Variants in DGLUCY observed in about 807,000 individuals in gnomAD.
DGLUCY encodes the protein D-glutamate cyclase.
Under a neutral mutation model 58.5 loss-of-function variants are expected in DGLUCY, and 58 were observed. That is an observed-to-expected ratio of 0.99 (90% CI 0.80 to 1.23). DGLUCY has a LOEUF of 1.23. DGLUCY is among the 50% of genes most tolerant of loss of function. The pLI is 0.00. For synonymous variants in DGLUCY, 325 were observed against 314.1 expected (o/e 1.03, Z -0.37); for missense variants, 779 against 784.7 (o/e 0.99, Z 0.09).
chr14:91,105,504 C>T (rs143458430), upstream of DGLUCY, among the ~76,000 whole-genome samples: 867 of 152,148 alleles, frequency 5.7e-3, 20 homozygotes, highest in Admixed American at 0.02. Context: ...TTTTTCCTGA[C>T]GTGCAAAGCA....
At chr14:91,217,644 C>G (rs1265184634) in intron 13 of DGLUCY, among the ~76,000 whole-genome samples, 1 of 150,840 alleles carries the variant, frequency 6.6e-6, no homozygotes, top group Non-Finnish European at 1.5e-5. Flanking sequence ...GCCACCATGC[C>G]CAGCTAATTT....
intron 5 of DGLUCY, among the ~76,000 whole-genome samples, chr14:91,172,645 T>C (rs2048630872): frequency 6.6e-6 from 1 of 152,080 alleles, no homozygotes; most frequent in Non-Finnish European, 1.5e-5. Flanking sequence ...TCTCACATTT[T>C]TCCTTTTTTT....
At chr14:91,196,825 A>G (rs181796907) in intron 10 of DGLUCY, among the ~76,000 whole-genome samples, 11 of 151,560 alleles carry the variant, frequency 7.3e-5, no homozygotes, top group African/African-American at 2.2e-4. Context: ...AAATCATTTC[A>G]GTTAGGGTAT....
intron 2 of DGLUCY, 124 bp from the exon 3 acceptor site, chr14:91,160,142 A>G: frequency 1.4e-6 from 1 of 689,936 alleles, no homozygotes; most frequent in South Asian, 1.6e-5. Context: ...ACCACAAGGC[A>G]GGCCCAGGAA....
chr14:91,162,981 G>T (rs1245141124), intron 3 of DGLUCY, among the ~76,000 whole-genome samples: 2 of 152,030 alleles, frequency 1.3e-5, no homozygotes, highest in African/African-American at 4.8e-5. Flanking sequence ...ATTTGTGCTG[G>T]GCATGACGGC....
rs538119305 is a variant in DGLUCY, at chr14:91,190,334, C to G, written c.1195+1164C>G. On this transcript the variant is annotated intron_variant, in intron 9 of 13. Coordinates refer to ENST00000256324, the MANE Select transcript of DGLUCY (RefSeq NM_001102368.3). ...CCCGTGAGCAAAACTGACAACAGTCCTGCCCCCACGGAGAGTATCTTCCAG... is the reference window on the plus strand; with the variant it reads ...CCCGTGAGCAAAACTGACAACAGTCGTGCCCCCACGGAGAGTATCTTCCAG... Among the ~76,000 whole-genome samples the G allele has an allele frequency of 2.6e-5, 4 of 152,278 alleles. No individual in the cohort carries two copies. In the South Asian group the frequency reaches 8.3e-4, roughly 32 times the overall value.
upstream of DGLUCY, among the ~76,000 whole-genome samples, chr14:91,113,087 G>C (rs1280691225): frequency 6.6e-6 from 1 of 151,546 alleles, no homozygotes; most frequent in Non-Finnish European, 1.5e-5. Flanking sequence ...GGATCACAAG[G>C]GCAGGCGCTC....
intron 8 of DGLUCY, among the ~76,000 whole-genome samples, chr14:91,186,863 A>G (rs944412022): frequency 3.4e-5 from 5 of 148,918 alleles, no homozygotes; most frequent in African/African-American, 1.3e-4. Flanking sequence ...CATGTGGGAA[A>G]ACTGAGGCTC....
intron 1 of DGLUCY, among the ~76,000 whole-genome samples, chr14:91,151,611 C>A (rs1192364111): frequency 1.3e-5 from 2 of 150,084 alleles, no homozygotes; most frequent in East Asian, 4.0e-4. Flanking sequence ...TAAAGAAAAT[C>A]TTTTTTATAT....
At chr14:91,170,411 G>A (rs1366069492) in intron 5 of DGLUCY, among the ~76,000 whole-genome samples, 2 of 152,222 alleles carry the variant, frequency 1.3e-5, no homozygotes, top group Non-Finnish European at 2.9e-5. Flanking sequence ...ACCACTGTGA[G>A]CACCCAGTGT....
At chr14:91,084,006 T>C (rs1648399048) in intron 1 of DGLUCY, among the ~76,000 whole-genome samples, 2 of 152,072 alleles carry the variant, frequency 1.3e-5, no homozygotes, top group Non-Finnish European at 2.9e-5. Context: ...TCTTCCTCCT[T>C]TGGGAAGTAG....
chr14:91,062,213 G>A (rs980265555), intron 1 of DGLUCY, among the ~76,000 whole-genome samples: 1 of 151,930 alleles, frequency 6.6e-6, no homozygotes, highest in African/African-American at 2.4e-5. Context: ...TTCATGTATC[G>A]TAATATATTC....
At chr14:91,216,906 A>G (rs1199810433) in intron 13 of DGLUCY, among the ~76,000 whole-genome samples, 2 of 152,240 alleles carry the variant, frequency 1.3e-5, no homozygotes, top group Non-Finnish European at 2.9e-5. Context: ...AAAATGCAAA[A>G]GAGAGGTGGC....
At chr14:91,087,316 C>G (rs996355781) in intron 1 of DGLUCY, among the ~76,000 whole-genome samples, 5 of 152,040 alleles carry the variant, frequency 3.3e-5, no homozygotes, top group African/African-American at 1.2e-4. Context: ...TACAGAACCC[C>G]CCCTGTCTGA....
intron 1 of DGLUCY, among the ~76,000 whole-genome samples, chr14:91,063,861 G>A (rs927118343): frequency 6.6e-6 from 1 of 152,214 alleles, no homozygotes; most frequent in African/African-American, 2.4e-5. Context: ...AATCGTGGTA[G>A]TATTTTCAGA....
intron 13 of DGLUCY, chr14:91,223,704 C>G: frequency 7.8e-7 from 1 of 1,288,106 alleles, no homozygotes; most frequent in African/African-American, 1.5e-5. Context: ...AAGCTCTAGG[C>G]TAAAGGCCAG....
intron 4 of DGLUCY, 88 bp from the exon 5 acceptor site, chr14:91,169,915 C>A: frequency 7.2e-7 from 1 of 1,394,634 alleles, no homozygotes; most frequent in Non-Finnish European, 1.0e-6. Flanking sequence ...TAGACATCCT[C>A]TTCTCTCTCC....
At chr14:91,157,103 ATGGATGGATGGATGGG>A (rs1566971618) in intron 1 of DGLUCY, among the ~76,000 whole-genome samples, 5 of 130,578 alleles carry the variant, frequency 3.8e-5, no homozygotes, top group African/African-American at 6.7e-5. Flanking sequence ...GAATGGGTGG[ATGGATGGATGGATGGG>A]TGGATGGATG....
chr14:91,072,331 A>C (rs1216390088), intron 1 of DGLUCY, among the ~76,000 whole-genome samples: 1 of 152,014 alleles, frequency 6.6e-6, no homozygotes, highest in African/African-American at 2.4e-5. Flanking sequence ...CTCAAAAAAA[A>C]AAAAAAGAAC....
Sources: allele counts gnomAD v4.1 joint callset (sites outside exome capture counted in the v4.1 genomes callset), GRCh38; gene constraint gnomAD v4.1.1; transcripts MANE v1.5; gene names NCBI Gene and HGNC (gene_info 2026-07-23, HGNC 2026-07-21).